Variants in RTN4 observed in about 807,000 individuals in gnomAD.
The protein encoded by RTN4 is reticulon 4, also known as reticulon-4.
RTN4 carries 32 observed loss-of-function variants against 90.4 expected under a neutral mutation model. The ratio of observed to expected loss-of-function variants is 0.35; its 90% CI spans 0.27 to 0.48. The LOEUF is 0.48. Among genes scored for constraint, RTN4 ranks in the 20% least tolerant of loss-of-function variants. The pLI is 0.99. For missense variants in RTN4, 1,706 were observed against 1,430.2 expected (o/e 1.19, Z -3.11); for synonymous variants, 629 against 552.5 (o/e 1.14, Z -1.94).
chr2:55,013,626 TA>T (rs371431822), intron 3 of RTN4, among the ~76,000 whole-genome samples: 8 of 65,498 alleles, frequency 1.2e-4, no homozygotes, highest in African/African-American at 3.1e-4. Flanking sequence ...GGGGAGGGTG[TA>T]GGGGGGGTGG....
intron 1 of RTN4, among the ~76,000 whole-genome samples, chr2:55,030,356 T>C (rs961473970): frequency 6.6e-6 from 1 of 152,158 alleles, no homozygotes; most frequent in Non-Finnish European, 1.5e-5. Context: ...TTTTGTAAAA[T>C]GGGATTCGAT....
intron 1 of RTN4, 136 bp from the exon 2 acceptor site, chr2:55,028,356 AGGAAG>A: frequency 1.6e-6 from 1 of 640,918 alleles, no homozygotes; most frequent in Non-Finnish European, 2.7e-6. Flanking sequence ...CAAGATCAAA[AGGAAG>A]TCAGAAAAAG....
At chr2:55,049,598 C>CA (rs1478156791) in intron 1 of RTN4, 147 bp downstream of exon 1, 1 of 1,361,904 alleles carries the variant, frequency 7.3e-7, no homozygotes, top group Admixed American at 2.0e-5. Context: ...CCCGCGCTTC[C>CA]AACCAGACGG....
chr2:55,097,083 C>G (rs1667745560), intron 1 of RTN4, among the ~76,000 whole-genome samples: 1 of 151,642 alleles, frequency 6.6e-6, no homozygotes, highest in East Asian at 1.9e-4. Context: ...GAAAAAAGTT[C>G]ACCAAGCAGA....
chr2:54,992,750 G>T (rs897058052), intron 3 of RTN4, among the ~76,000 whole-genome samples: 9 of 151,980 alleles, frequency 5.9e-5, no homozygotes, highest in Non-Finnish European at 1.0e-4. Context: ...GTTACAAAAA[G>T]ACTCACAGTA....
chr2:54,999,363 C>T (rs1679687767), intron 3 of RTN4, among the ~76,000 whole-genome samples: 1 of 152,280 alleles, frequency 6.6e-6, no homozygotes, highest in Middle Eastern at 3.4e-3. Context: ...GCATGCCTTA[C>T]GTGCAGAAGT....
At chr2:55,129,857 G>A in the RTN4 span, among the ~76,000 whole-genome samples, 5 of 151,870 alleles carry the variant, frequency 3.3e-5, no homozygotes, top group African/African-American at 4.8e-5. Context: ...CACCGTGCCC[G>A]GTCAACTCGT....
intron 1 of RTN4, among the ~76,000 whole-genome samples, chr2:55,086,124 A>G (rs1185848543): frequency 6.6e-6 from 1 of 152,162 alleles, no homozygotes; most frequent in Non-Finnish European, 1.5e-5. Context: ...CAGCTATTTT[A>G]TTATTTCCCA....
chr2:55,027,678 CAT>C (rs145362040), intron 2 of RTN4, among the ~76,000 whole-genome samples, 193 bp from the exon 3 acceptor site: 6,641 of 152,190 alleles, frequency 0.044, 474 homozygotes, highest in African/African-American at 0.15. Flanking sequence ...GTAAATATAA[CAT>C]ATGCATGGCT....
At chr2:55,102,909 G>A (rs369196178) in intron 1 of RTN4, among the ~76,000 whole-genome samples, 4 of 151,778 alleles carry the variant, frequency 2.6e-5, no homozygotes, top group Admixed American at 6.6e-5. Context: ...ACCTGAGGTC[G>A]GGAGTTTGAG....
chr2:55,110,057 C>A (rs188321209), intron 1 of RTN4, among the ~76,000 whole-genome samples: 137 of 152,112 alleles, frequency 9.0e-4, no homozygotes, highest in Non-Finnish European at 1.6e-3. Context: ...ACCTATAATC[C>A]CAGCATTGTG....
chr2:55,090,634 G>T (rs1173139515), intron 1 of RTN4, among the ~76,000 whole-genome samples: 2 of 152,144 alleles, frequency 1.3e-5, no homozygotes, highest in Non-Finnish European at 2.9e-5. Flanking sequence ...ATGGAGTAGG[G>T]CTTTGGACCC....
Position 54,974,735 on chromosome 2 carries a change from A to G in RTN4, c.3390T>C (p.Tyr1130=), listed in dbSNP as rs960202327. 1.7e-5 allele frequency: 27 copies of G among 1,613,946 alleles called. No homozygotes were observed. Among genetic ancestry groups the G allele is most frequent in the East Asian group, 2.2e-5 (1 of 44,890 alleles). ...KFAVLMWVFT[Y]VGALFNGLTL... is the part of the protein sequence containing the mutation. ...TCAGACCATTAAACAAGGCACCAAC[A>G]TAGGTAAATACCCACATCAACACTG... is the stretch of plus-strand genomic sequence containing the variant. The change falls in exon 6 of 9, where the codon TAT becomes TAC. Residue 1130 remains tyrosine, a synonymous_variant. Coordinates refer to ENST00000337526, the MANE Select transcript of RTN4 (RefSeq NM_020532.5).
At position 54,982,888 on chromosome 2, in the gene RTN4, A is replaced by T. The variant is rs112997891; in HGVS notation, c.3222-235T>A. Among the ~76,000 whole-genome samples, 425 of 152,276 alleles carry T rather than the reference A, an allele frequency of 2.8e-3. 2 individuals are homozygous for T. Among genetic ancestry groups the T allele is most frequent in the African/African-American group, 9.7e-3 (403 of 41,556 alleles). ...TTGAAGCCAGACTGATCTGGGCTTG[A>T]ATCTGATGCTCTGCCACTTACCTGG... On this transcript the variant is annotated intron_variant, in intron 4 of 8. Transcript: ENST00000337526.
the RTN4 span, among the ~76,000 whole-genome samples, chr2:55,131,455 T>G: frequency 6.6e-6 from 1 of 152,090 alleles, no homozygotes; most frequent in Admixed American, 6.6e-5. Flanking sequence ...TGATCCTTCC[T>G]CCTGGGCCTC....
upstream of RTN4, among the ~76,000 whole-genome samples, chr2:55,053,560 C>T (rs1668134338): frequency 6.6e-6 from 1 of 151,884 alleles, no homozygotes; most frequent in South Asian, 2.1e-4. Context: ...GTGGTGCACA[C>T]CTGTAACCCC....
At chr2:55,067,412 AT>A (rs10719347) in intron 2 of RTN4, among the ~76,000 whole-genome samples, 72,590 of 141,266 alleles carry the variant, frequency 0.51, 18,174 homozygotes, top group African/African-American at 0.56. Flanking sequence ...CCATATTGCA[AT>A]TTTTTTTTTT....
At chr2:55,104,790 T>C (rs1322130216) in intron 1 of RTN4, among the ~76,000 whole-genome samples, 1 of 151,952 alleles carries the variant, frequency 6.6e-6, no homozygotes, top group Non-Finnish European at 1.5e-5. Context: ...ATCTGTTTAT[T>C]GTTTTGTTTT....
intron 4 of RTN4, 141 bp downstream of exon 4, chr2:54,987,350 T>C: frequency 1.5e-6 from 1 of 667,718 alleles, no homozygotes; most frequent in Non-Finnish European, 2.6e-6. Context: ...GCAGATGTTT[T>C]TGGTATAGCT....
Sources: gnomAD v4.1 joint callset for allele counts (sites outside exome capture counted in the v4.1 genomes callset) on GRCh38, gnomAD v4.1.1 for gene constraint, MANE v1.5 for transcripts, NCBI Gene and HGNC (gene_info 2026-07-23, HGNC 2026-07-21) for gene names.